ULK4: variants seen among roughly 807,000 people sequenced by gnomAD.
ULK4 encodes unc-51 like kinase 4.
ULK4 carries 133 observed loss-of-function variants against 160.6 expected under a neutral mutation model. That is an observed-to-expected ratio of 0.83 (90% confidence interval 0.72 to 0.96). The LOEUF (loss-of-function observed/expected upper bound fraction) is 0.96. ULK4 is among the 40% of genes least tolerant of loss of function. The pLI is 0.00. For synonymous variants in ULK4, 534 were observed against 539.8 expected (o/e 0.99, Z 0.15); for missense variants, 1,580 against 1,499.5 (o/e 1.05, Z -0.89).
At chr3:41,380,484 C>G (rs2081625018) in intron 35 of ULK4, among the ~76,000 whole-genome samples, 1 of 152,106 alleles carries the variant, frequency 6.6e-6, no homozygotes, top group African/African-American at 2.4e-5. Flanking sequence ...TCTACTGACT[C>G]CCAGAGGCAG....
chr3:41,924,850 C>A (rs1158235335), intron 5 of ULK4, among the ~76,000 whole-genome samples: 2 of 152,156 alleles, frequency 1.3e-5, no homozygotes. Context: ...CCAAGGATGC[C>A]TGCCACCCTC....
At chr3:41,262,575 T>TG (rs2078965434) in intron 35 of ULK4, among the ~76,000 whole-genome samples, 1 of 152,078 alleles carries the variant, frequency 6.6e-6, no homozygotes, top group Non-Finnish European at 1.5e-5. Flanking sequence ...TTGCCCAAAC[T>TG]CCTCTCTGTA....
chr3:41,300,788 A>G (rs1280589449), intron 35 of ULK4, among the ~76,000 whole-genome samples: 1 of 142,246 alleles, frequency 7.0e-6, no homozygotes, highest in Non-Finnish European at 1.5e-5. Context: ...TTTACAAAAG[A>G]GTTAATTTTC....
chr3:41,734,869 G>A (rs1263337678), intron 22 of ULK4, among the ~76,000 whole-genome samples: 2 of 152,128 alleles, frequency 1.3e-5, no homozygotes, highest in Admixed American at 6.6e-5. Context: ...GATTGACAGA[G>A]GGCCCAAGAA....
At chr3:41,692,037 T>C (rs909086369) in intron 27 of ULK4, among the ~76,000 whole-genome samples, 4 of 145,602 alleles carry the variant, frequency 2.7e-5, no homozygotes, top group East Asian at 2.1e-4. Context: ...CTGCAAGCTC[T>C]GCCTCCTGGG....
intron 32 of ULK4, among the ~76,000 whole-genome samples, chr3:41,531,523 AG>A (rs1299953975): frequency 7.4e-6 from 1 of 135,788 alleles, no homozygotes; most frequent in Non-Finnish European, 1.6e-5. Context: ...AAAAAGAAAA[AG>A]AAAAAAAAAA....
chr3:41,776,814 T>C (rs2039646348), intron 21 of ULK4, among the ~76,000 whole-genome samples: 1 of 88,774 alleles, frequency 1.1e-5, no homozygotes, highest in Non-Finnish European at 2.2e-5. Flanking sequence ...TGCTGCTGGA[T>C]TCGGTTTGCC....
chr3:41,943,618 C>A (rs1032045962), intron 2 of ULK4, among the ~76,000 whole-genome samples: 6 of 152,308 alleles, frequency 3.9e-5, no homozygotes, highest in Middle Eastern at 3.4e-3. Context: ...TTCCTCTCCT[C>A]TCCTACCTCC....
At chr3:41,639,557 A>G (rs1002291232) in intron 30 of ULK4, among the ~76,000 whole-genome samples, 1 of 152,102 alleles carries the variant, frequency 6.6e-6, no homozygotes, top group African/African-American at 2.4e-5. Context: ...GTGAAACCCC[A>G]TCTCTACTAA....
chr3:41,426,665 T>C (rs1312805181), intron 34 of ULK4, among the ~76,000 whole-genome samples: 1 of 152,004 alleles, frequency 6.6e-6, no homozygotes, highest in Admixed American at 6.6e-5. Flanking sequence ...CCTGAATGAC[T>C]CTTGGGTAAA....
chr3:41,756,729 C>T lies in ULK4; in HGVS notation c.2194-2241G>A, dbSNP rs189493902. The stretch of plus-strand genomic sequence containing the variant: ...ACTCTGAAACACAAAGTGATGAAAA[C>T]GAAGAAAGTTCCACTAGATATTGAT... On this transcript the variant is annotated intron_variant, in intron 21 of 36. Coordinates refer to ENST00000301831, the MANE Select transcript of ULK4 (RefSeq NM_017886.4). Among the ~76,000 whole-genome samples the T allele has an allele frequency of 1.5e-3, 217 of 148,332 alleles. 1 individual carries two copies. The highest frequency in any genetic ancestry group is 5.5e-4 in the African/African-American group (22 of 40,126).
intron 22 of ULK4, among the ~76,000 whole-genome samples, chr3:41,743,169 A>G (rs896291250): frequency 5.3e-5 from 8 of 151,908 alleles, no homozygotes; most frequent in African/African-American, 1.9e-4. Context: ...CACCAAAGAT[A>G]TATCACAATT....
At chr3:41,381,511 T>C (rs1294603740) in intron 35 of ULK4, among the ~76,000 whole-genome samples, 3 of 152,214 alleles carry the variant, frequency 2.0e-5, no homozygotes, top group Non-Finnish European at 4.4e-5. Flanking sequence ...CAGCTCCTCC[T>C]ACAGTTTTAG....
At chr3:41,534,863 T>C (rs996308467) in intron 32 of ULK4, among the ~76,000 whole-genome samples, 1 of 152,188 alleles carries the variant, frequency 6.6e-6, no homozygotes, top group Non-Finnish European at 1.5e-5. Context: ...GAAAAGTTAA[T>C]TGACACAGTA....
At chr3:41,318,849 C>T (rs572202112) in intron 35 of ULK4, among the ~76,000 whole-genome samples, 2 of 152,202 alleles carry the variant, frequency 1.3e-5, no homozygotes, top group Non-Finnish European at 2.9e-5. Context: ...ATGAAGAGGA[C>T]TTAATCAGTG....
intron 1 of ULK4, 86 bp from the exon 2 acceptor site, chr3:41,954,893 T>C (rs1374376242): frequency 9.4e-6 from 8 of 855,202 alleles, no homozygotes; most frequent in Non-Finnish European, 1.2e-5. Context: ...GGATATTATA[T>C]GTGTAAAAAA....
intron 21 of ULK4, among the ~76,000 whole-genome samples, chr3:41,765,958 C>T (rs1432656127): frequency 2.6e-5 from 4 of 152,262 alleles, no homozygotes; most frequent in East Asian, 1.9e-4. Flanking sequence ...GTCAAAGACA[C>T]ACAAAGTTTG....
intron 32 of ULK4, among the ~76,000 whole-genome samples, chr3:41,554,555 T>TG (rs1250591430): frequency 1.3e-5 from 2 of 151,958 alleles, no homozygotes; most frequent in Non-Finnish European, 2.9e-5. Flanking sequence ...GCTGGGAGGG[T>TG]AAGTGTTGGT....
At position 41,621,940 on chromosome 3, in the gene ULK4, G is replaced by A. The variant is rs544942796; in HGVS notation, c.3072-6223C>T. On this transcript the variant is annotated intron_variant, in intron 30 of 36. Transcript: ENST00000301831. ...AAGAAAAAAACAAACAACCCCAACAGAAAAGGCGAAGGGTATGAACAGACA... is the reference window on the plus strand; with the variant it reads ...AAGAAAAAAACAAACAACCCCAACAAAAAAGGCGAAGGGTATGAACAGACA... 5.0e-4 allele frequency among the ~76,000 whole-genome samples: 76 copies of A among 151,370 alleles called. 3 individuals are homozygous for A. The South Asian group carries it at 0.015, about 31-fold the overall frequency.
Sources: gnomAD v4.1 joint callset for allele counts (sites outside exome capture counted in the v4.1 genomes callset) on GRCh38, gnomAD v4.1.1 for gene constraint, MANE v1.5 for transcripts, NCBI Gene and HGNC (gene_info 2026-07-23, HGNC 2026-07-21) for gene names.